Variants in PALS1 observed in about 807,000 individuals in gnomAD.
PALS1 encodes the protein protein associated with LIN7 1, MAGUK p55 family member, also known as protein PALS1.
Under a neutral mutation model 78.9 loss-of-function variants are expected in PALS1, and 31 were observed. The observed-to-expected ratio is 0.39, with a 90% CI of 0.30 to 0.53. The LOEUF is 0.53. PALS1 is among the 20% of genes least tolerant of loss of function. PALS1 has a pLI of 0.67. For missense variants in PALS1, 704 were observed against 826.5 expected (o/e 0.85, Z 1.82); for synonymous variants, 276 against 270.9 (o/e 1.02, Z -0.18).
chr14:67,272,589 CTCTT>C (rs2084425160), intron 2 of PALS1, among the ~76,000 whole-genome samples: 1 of 152,090 alleles, frequency 6.6e-6, no homozygotes, highest in African/African-American at 2.4e-5. Flanking sequence ...CCTCCTTTAC[CTCTT>C]TCTCTTATTC....
At chr14:67,259,486 C>T (rs1422480421) in intron 1 of PALS1, among the ~76,000 whole-genome samples, 2 of 152,076 alleles carry the variant, frequency 1.3e-5, no homozygotes, top group East Asian at 3.9e-4. Context: ...GTGTTGGGCG[C>T]CTGTAATCCC....
intron 14 of PALS1, among the ~76,000 whole-genome samples, chr14:67,327,036 G>C (rs1321972652): frequency 6.6e-6 from 1 of 152,106 alleles, no homozygotes; most frequent in Non-Finnish European, 1.5e-5. Flanking sequence ...TTAGCCGGGT[G>C]TGGTGGCATG....
intron 1 of PALS1, among the ~76,000 whole-genome samples, chr14:67,264,583 T>C (rs545216140): frequency 6.6e-6 from 1 of 152,334 alleles, no homozygotes; most frequent in African/African-American, 2.4e-5. Flanking sequence ...CCATTTTCAT[T>C]GTTCTGCATG....
In PALS1 at chr14:67,279,421, C is replaced by A. The variant is rs922920329; in HGVS notation, c.251C>A (p.Ser84Tyr). 2.5e-6 allele frequency: 4 copies of A among 1,613,904 alleles called. No homozygotes were observed. In the Admixed American group the frequency reaches 6.7e-5, roughly 27 times the overall value. ...AAGCAAGAACTTGACCTTAATTCTT[C>A]CATGAGACTTAAGAAACTAGCCCAA... The part of the protein sequence containing the change: ...GKKQELDLNS[S>Y]MRLKKLAQIP... The change falls in exon 3 of 15, where the codon TCC becomes TAC. Residue 84 changes from serine (S) to tyrosine (Y), a missense_variant. Coordinates refer to ENST00000261681, the MANE Select transcript of PALS1 (RefSeq NM_022474.4).
At chr14:67,277,691 G>A (rs1249248783) in intron 2 of PALS1, among the ~76,000 whole-genome samples, 1 of 152,090 alleles carries the variant, frequency 6.6e-6, no homozygotes, top group Non-Finnish European at 1.5e-5. Flanking sequence ...TTGATGAAAA[G>A]CCAGAGTTAT....
chr14:67,278,772 A>T (rs1299297964), intron 2 of PALS1, among the ~76,000 whole-genome samples: 1 of 152,170 alleles, frequency 6.6e-6, no homozygotes, highest in African/African-American at 2.4e-5. Context: ...AGTATTGTAT[A>T]TCATTTTTCT....
At chr14:67,331,279 A>G (rs1833990839) in intron 14 of PALS1, among the ~76,000 whole-genome samples, 1 of 152,188 alleles carries the variant, frequency 6.6e-6, no homozygotes, top group Admixed American at 6.5e-5. Flanking sequence ...TCCCGGCCCC[A>G]TGTGATCCAC....
chr14:67,292,384 A>G (rs1417876444), intron 3 of PALS1, 127 bp from the exon 4 acceptor site: 2 of 617,238 alleles, frequency 3.2e-6, no homozygotes, highest in Non-Finnish European at 5.7e-6. Context: ...TGACAATAAT[A>G]TATGCAGATT....
chr14:67,323,223 A>ATGTG (rs1491351749), intron 13 of PALS1, among the ~76,000 whole-genome samples: 6,009 of 114,196 alleles, frequency 0.053, 611 homozygotes, highest in East Asian at 0.42. Context: ...ATATATACAC[A>ATGTG]TATATACACG....
At chr14:67,320,466 G>A in intron 12 of PALS1, 69 bp downstream of exon 12, 1 of 1,390,514 alleles carries the variant, frequency 7.2e-7, no homozygotes, top group Non-Finnish European at 9.5e-7. Context: ...ACTATATCAT[G>A]TAGGGAAATT....
At chr14:67,310,422 T>C (rs2085071761) in intron 8 of PALS1, among the ~76,000 whole-genome samples, 1 of 152,200 alleles carries the variant, frequency 6.6e-6, no homozygotes, top group Admixed American at 6.5e-5. Flanking sequence ...TCAGTGTTTC[T>C]AGAAATCAGG....
Position 67,323,717 on chromosome 14 carries a change from C to A in PALS1, c.1756C>A (p.Arg586=). 1 of 1,576,912 alleles carries A rather than the reference C, an allele frequency of 6.3e-7. No individual in the cohort carries two copies. The highest frequency in any genetic ancestry group is 8.6e-7 in the Non-Finnish European group (1 of 1,161,390). Reference sequence around the variant, plus strand: ...CTCTTTACAGTCATTGAAGACTCTCCGGAATTCAGATTTGAAACCATATAT... The same window carrying A: ...CTCTTTACAGTCATTGAAGACTCTCAGGAATTCAGATTTGAAACCATATAT... The part of the protein sequence containing the change: ...SLRTQSLKTL[R]NSDLKPYIIF... The change falls in exon 14 of 15, where the codon CGG becomes AGG. Residue 586 remains arginine (R), a synonymous_variant. Coordinates refer to ENST00000261681, the MANE Select transcript of PALS1 (RefSeq NM_022474.4).
chr14:67,330,668 G>T (rs2085434411), intron 14 of PALS1, among the ~76,000 whole-genome samples: 1 of 152,086 alleles, frequency 6.6e-6, no homozygotes. Flanking sequence ...ATGTTGGTCA[G>T]GCTGGTCCCA....
chr14:67,317,173 T>G (rs2085188791), intron 10 of PALS1, among the ~76,000 whole-genome samples: 1 of 152,170 alleles, frequency 6.6e-6, no homozygotes, highest in Non-Finnish European at 1.5e-5. Flanking sequence ...AAAAGTAAAT[T>G]AAAAACAAGC....
chr14:67,282,144 A>G (rs1416617108), intron 3 of PALS1, among the ~76,000 whole-genome samples: 1 of 152,196 alleles, frequency 6.6e-6, no homozygotes, highest in Non-Finnish European at 1.5e-5. Context: ...ATTGTCAGTC[A>G]TAGCCTCAGG....
At chr14:67,261,857 G>A (rs2084243756) in intron 1 of PALS1, among the ~76,000 whole-genome samples, 1 of 152,006 alleles carries the variant, frequency 6.6e-6, no homozygotes, top group South Asian at 2.1e-4. Context: ...ATGTAACAGT[G>A]AAATTAATGA....
chr14:67,268,467 A>G (rs200911671), intron 1 of PALS1, among the ~76,000 whole-genome samples: 1 of 152,218 alleles, frequency 6.6e-6, no homozygotes, highest in African/African-American at 2.4e-5. Context: ...TGGCTACTCC[A>G]TAGGCAGAAC....
At chr14:67,284,670 C>T (rs2084657762) in intron 3 of PALS1, among the ~76,000 whole-genome samples, 1 of 149,454 alleles carries the variant, frequency 6.7e-6, no homozygotes, top group Non-Finnish European at 1.5e-5. Flanking sequence ...CCACCTGGCC[C>T]TTGACAACCA....
intron 1 of PALS1, among the ~76,000 whole-genome samples, chr14:67,249,241 C>T (rs557521160): frequency 6.6e-5 from 10 of 152,268 alleles, no homozygotes; most frequent in Admixed American, 1.3e-4. Context: ...GGATTACAGG[C>T]GTGGGCCACC....
Sources: allele counts gnomAD v4.1 joint callset (sites outside exome capture counted in the v4.1 genomes callset), GRCh38; gene constraint gnomAD v4.1.1; transcripts MANE v1.5; gene names NCBI Gene and HGNC (gene_info 2026-07-23, HGNC 2026-07-21).